The following MGA variants were observed in gnomAD, a reference collection of about 807,000 sequenced individuals.
The protein encoded by MGA is MAX dimerization protein MGA, also known as MAX gene-associated protein.
A neutral mutation model predicts 261.1 loss-of-function variants in MGA; 40 were observed. The observed-to-expected ratio is 0.15, with a 90% CI of 0.12 to 0.20. The LOEUF is 0.20. Ranked by LOEUF, MGA falls within the 10% of genes least tolerant of loss-of-function variation. MGA has a pLI of 1.00. For missense variants in MGA, 3,397 were observed against 3,630.5 expected (o/e 0.94, Z 1.65); for synonymous variants, 1,302 against 1,290.6 (o/e 1.01, Z -0.19).
rs2057939181 is a variant in MGA at position 41,669,669 on chromosome 15, C to T, written c.775C>T (p.Arg259Trp). The stretch of plus-strand genomic sequence containing the variant: ...TTACAATCCATTTGCCAAAGGCTTT[C>T]GGGATGATGGGCTGAATAATAAGCC... Residue 259 changes from arginine to tryptophan, a missense_variant, in exon 2 of 24, where the codon CGG becomes TGG. Arg to Trp is a moderately radical substitution (Grantham distance 101). Around this residue, in one of 9 missense-constraint regions of MGA, gnomAD observed 563 missense variants for 563.6 expected, o/e 1.00. Transcript: ENST00000219905. 2 of 1,613,466 alleles carry T rather than the reference C, an allele frequency of 1.2e-6. No homozygotes were observed. The highest frequency in any genetic ancestry group is 1.7e-6 in the Non-Finnish European group (2 of 1,179,728).
chr15:41,700,127 C>G (rs1455658470), intron 5 of MGA, among the ~76,000 whole-genome samples: 1 of 148,150 alleles, frequency 6.7e-6, no homozygotes, highest in Non-Finnish European at 1.5e-5. Context: ...TCACTGCAAG[C>G]TCTGCCTCCT....
intron 1 of MGA, among the ~76,000 whole-genome samples, chr15:41,639,109 C>T (rs2056771003): frequency 1.3e-5 from 2 of 152,114 alleles, no homozygotes; most frequent in South Asian, 2.1e-4. Context: ...AGAATTTGTC[C>T]TTCTCTTCCT....
At position 41,749,825 on chromosome 15, in the gene MGA, A is replaced by G; in HGVS notation, c.6218A>G (p.Asn2073Ser). 6.2e-7 allele frequency: 1 copy of G among 1,613,972 alleles called. No homozygotes were observed. Among genetic ancestry groups the G allele is most frequent in the South Asian group, 1.1e-5 (1 of 91,084 alleles). ...GTTAATGAAGAATATGGGGCTAGGA[A>G]TCGTAAGAGTTCCAAAGAAAAAGTG... The change falls in exon 17 of 24, where the codon AAT becomes AGT. Residue 2073 changes from asparagine (N) to serine (S), a missense_variant. This residue lies in a region of MGA where 1,410 missense variants were observed against 1,386.4 expected (regional missense o/e 1.02). Transcript: ENST00000219905.
chr15:41,711,253 G>A lies in MGA; in HGVS notation c.2988G>A (p.Met996Ile), dbSNP rs757922693. ...TGTCTAAATCTCAGGTGAAGCTAAT[G>A]GACCTGGAAGACTGTGCACTTTGGG... Residue 996 changes from methionine to isoleucine, a missense_variant, in exon 8 of 24, where the codon ATG becomes ATA. This residue lies in a region of MGA where 519 missense variants were observed against 554.1 expected (regional missense o/e 0.94). Coordinates refer to ENST00000219905, the MANE Select transcript of MGA (RefSeq NM_001164273.2). The A allele has an allele frequency of 5.1e-5, 82 of 1,613,888 alleles. No individual in the cohort carries two copies. Among genetic ancestry groups the A allele is most frequent in the Non-Finnish European group, 6.8e-5 (80 of 1,179,910 alleles).
upstream of MGA, among the ~76,000 whole-genome samples, chr15:41,656,365 TCTCTCTCTCTCTCACA>T (rs2057188392): frequency 7.2e-6 from 1 of 139,294 alleles, no homozygotes; most frequent in Non-Finnish European, 1.6e-5. Context: ...TCTCTCTCTC[TCTCTCTCTCTCTCACA>T]CCCAGGCTGG....
chr15:41,656,549 A>G (rs1294267616), upstream of MGA, among the ~76,000 whole-genome samples: 3 of 151,436 alleles, frequency 2.0e-5, no homozygotes, highest in African/African-American at 7.3e-5. Context: ...TGGTAGAGAC[A>G]GGGTCTTGCC....
chr15:41,625,555 A>C (rs2056429404), intron 1 of MGA, among the ~76,000 whole-genome samples: 1 of 151,912 alleles, frequency 6.6e-6, no homozygotes, highest in Admixed American at 6.6e-5. Flanking sequence ...CTCTACGAGA[A>C]ATACAAAAAT....
intron 1 of MGA, among the ~76,000 whole-genome samples, chr15:41,648,282 A>G (rs2056974002): frequency 6.6e-6 from 1 of 152,198 alleles, no homozygotes; most frequent in African/African-American, 2.4e-5. Context: ...TTGACTCCTT[A>G]CTGCTTTGTG....
At position 41,766,901 on chromosome 15, in the gene MGA, C is replaced by A. The variant is rs374314811; in HGVS notation, c.8819C>A (p.Ser2940Tyr). 8.1e-6 allele frequency: 13 copies of A among 1,613,904 alleles called. No individual in the cohort carries two copies. The highest frequency in any genetic ancestry group is 1.1e-5 in the Non-Finnish European group (13 of 1,179,904). The change falls in exon 24 of 24, where the codon TCC becomes TAC. Residue 2940 changes from serine to tyrosine, a missense_variant. By Grantham distance (144) the Ser-to-Tyr change is moderately radical. Around this residue, in one of 9 missense-constraint regions of MGA, gnomAD observed 647 missense variants for 642.4 expected, o/e 1.01. Transcript: ENST00000219905. Reference sequence around the variant, plus strand: ...TCTGAAATAAAGGATTCCCTCCTTTCCAACAAGAAAGCTATTGATGGAGGG... The same window carrying A: ...TCTGAAATAAAGGATTCCCTCCTTTACAACAAGAAAGCTATTGATGGAGGG...
chr15:41,647,807 A>C (rs552460464), intron 1 of MGA, among the ~76,000 whole-genome samples: 1 of 152,132 alleles, frequency 6.6e-6, no homozygotes, highest in Non-Finnish European at 1.5e-5. Flanking sequence ...ATGGTTCCTA[A>C]ATATTTTGGG....
intron 23 of MGA, 64 bp from the exon 24 acceptor site, chr15:41,765,936 CAGAG>C: frequency 7.8e-7 from 1 of 1,286,128 alleles, no homozygotes. Context: ...TATGATATGA[CAGAG>C]AGAAAGAGAG....
rs34069193 is a variant in MGA at position 41,762,461 on chromosome 15, G to GTTTTTTTTTTTTTTTT, written c.7744+114_7744+129dup. ...TTGTCCACATTTTTAGTTTTGTGTGGTTTTTTTTTTTTTTTTTTTTTTTTT... is the reference window on the plus strand; with the variant it reads ...TTGTCCACATTTTTAGTTTTGTGTGGTTTTTTTTTTTTTTTTTTTTTTTTTTTTTTTTTTTTTTTTT... On this transcript the variant is annotated intron_variant, in intron 22 of 23. Coordinates refer to ENST00000219905, the MANE Select transcript of MGA (RefSeq NM_001164273.2). 2.4e-4 allele frequency: 33 copies of GTTTTTTTTTTTTTTTT among 138,446 alleles called. 3 individuals carry two copies. Among genetic ancestry groups the GTTTTTTTTTTTTTTTT allele is most frequent in the East Asian group, 2.2e-3 (6 of 2,746 alleles). 8.6% of individuals were successfully genotyped at this position (138,446 alleles called of 1,614,324 possible).
rs1029977918 is a variant in MGA at position 41,719,476 on chromosome 15, C to T, written c.3430+5980C>T. 3.3e-5 allele frequency among the ~76,000 whole-genome samples: 5 copies of T among 152,160 alleles called. No homozygotes were observed. The East Asian group carries it at 5.8e-4, about 18-fold the overall frequency. On this transcript the variant is annotated intron_variant, in intron 9 of 23. Transcript: ENST00000219905. The stretch of plus-strand genomic sequence containing the variant: ...ATGTACCTGGCCACACGTGGTGGCT[C>T]ATGCCTGTAATCCCAGCACTTCAGG...
chr15:41,734,737 A>G (rs1164106448), intron 12 of MGA, 143 bp downstream of exon 12: 14 of 628,036 alleles, frequency 2.2e-5, no homozygotes, highest in Non-Finnish European at 3.4e-5. Flanking sequence ...AGGGACAATA[A>G]GTAAAAGTTT....
At chr15:41,761,497 C>G (rs1195744968) in intron 20 of MGA, among the ~76,000 whole-genome samples, 1 of 152,176 alleles carries the variant, frequency 6.6e-6, no homozygotes, top group East Asian at 1.9e-4. Flanking sequence ...GGAATACCTA[C>G]TACCATTCAG....
Position 41,750,123 on chromosome 15 carries a change from A to G in MGA, c.6516A>G (p.Glu2172=), listed in dbSNP as rs1197008825. 2 of 1,613,660 alleles carry G rather than the reference A, an allele frequency of 1.2e-6. No homozygotes were observed. Among genetic ancestry groups the G allele is most frequent in the South Asian group, 1.1e-5 (1 of 91,064 alleles). ...GAGACTCTCTGGAGAAAGACAGGGA[A>G]AGATGGAGAAAACATCTGAAGGGCC... The change falls in exon 17 of 24, where the codon GAA becomes GAG. Residue 2172 remains glutamate, a synonymous_variant. Transcript: ENST00000219905.
At chr15:41,624,148 T>G (rs148602908) in intron 1 of MGA, among the ~76,000 whole-genome samples, 2 of 151,920 alleles carry the variant, frequency 1.3e-5, no homozygotes, top group Middle Eastern at 3.4e-3. Context: ...TACTGCAACC[T>G]CTGCTTCTTG....
At chr15:41,751,658 A>C (rs1013327190) in intron 17 of MGA, 3 of 152,518 alleles carry the variant, frequency 2.0e-5, no homozygotes, top group African/African-American at 7.3e-5. Flanking sequence ...CGGGAGGCTG[A>C]GGTTGCAGTG....
chr15:41,724,165 CAAA>C (rs2061102404), intron 9 of MGA, among the ~76,000 whole-genome samples: 1 of 152,078 alleles, frequency 6.6e-6, no homozygotes, highest in Non-Finnish European at 1.5e-5. Context: ...AATGCGTGTA[CAAA>C]ATAATTAGCT....
Sources: gnomAD v4.1 joint callset for allele counts (sites outside exome capture counted in the v4.1 genomes callset) on GRCh38, gnomAD v4.1.1 for gene constraint, gnomAD v4.1.1 regional missense constraint, MANE v1.5 for transcripts, NCBI Gene and HGNC (gene_info 2026-07-23, HGNC 2026-07-21) for gene names.